Variants in ANKRD2 observed in about 807,000 individuals in gnomAD.
ANKRD2 encodes the protein ankyrin repeat domain 2.
A neutral mutation model predicts 37.3 loss-of-function variants in ANKRD2; 35 were observed. The observed-to-expected ratio is 0.94, with a 90% confidence interval of 0.72 to 1.24. ANKRD2 has a LOEUF of 1.24. ANKRD2 is among the 50% of genes most tolerant of loss of function. ANKRD2 has a pLI of 0.00. For missense variants in ANKRD2, 410 were observed against 445.6 expected (o/e 0.92, Z 0.72); for synonymous variants, 159 against 186.5 (o/e 0.85, Z 1.20).
At chr10:97,578,441 G>C in intron 3 of ANKRD2, 43 bp downstream of exon 3, 1 of 1,609,252 alleles carries the variant, frequency 6.2e-7, no homozygotes. Context: ...CGGAGGGGGA[G>C]CCCGGGAGGC....
At chr10:97,577,957 C>A in intron 2 of ANKRD2, 56 bp downstream of exon 2, 1 of 1,462,372 alleles carries the variant, frequency 6.8e-7, no homozygotes, top group Non-Finnish European at 9.2e-7. Flanking sequence ...GTAGCCATGG[C>A]CTGTCTGCAC....
chr10:97,574,870 T>C (rs138707885), intron 1 of ANKRD2, among the ~76,000 whole-genome samples: 10 of 149,360 alleles, frequency 6.7e-5, no homozygotes, highest in Non-Finnish European at 1.0e-4. Context: ...AGGTGAGTCA[T>C]GCTGCTATGC....
intron 1 of ANKRD2, among the ~76,000 whole-genome samples, chr10:97,574,836 G>A (rs1217809216): frequency 2.0e-5 from 3 of 152,090 alleles, no homozygotes; most frequent in East Asian, 3.9e-4. Flanking sequence ...AAGGGCATGT[G>A]CCTATGGTTG....
In ANKRD2 at chr10:97,583,818, C is replaced by G. The variant is rs1365883488; in HGVS notation, c.*93C>G. 1 of 1,361,404 alleles carries G rather than the reference C, an allele frequency of 7.3e-7. No homozygotes were observed. The highest frequency in any genetic ancestry group is 1.5e-5 in the African/African-American group (1 of 65,184). 84.3% of individuals were successfully genotyped at this position (1,361,404 alleles called of 1,614,324 possible). The stretch of plus-strand genomic sequence containing the variant: ...CTCCCGGAGCTAACTGAGGGCCCAG[C>G]CTTTTTTCTGCATGATCCAGGAGCA... On this transcript the variant is annotated 3_prime_UTR_variant, in exon 9 of 9. Transcript: ENST00000370655.
chr10:97,582,790 T>C (rs2040918657), intron 8 of ANKRD2, 88 bp downstream of exon 8: 3 of 1,172,348 alleles, frequency 2.6e-6, no homozygotes, highest in Non-Finnish European at 1.3e-6. Context: ...AGCCCCCGCC[T>C]AGGGACATGT....
At chr10:97,581,284 C>T in intron 5 of ANKRD2, 32 bp from the exon 6 acceptor site, 3 of 1,599,886 alleles carry the variant, frequency 1.9e-6, no homozygotes, top group Non-Finnish European at 2.6e-6. Context: ...TTCCCTGCAG[C>T]TCTGTAGTTA....
chr10:97,573,337 G>A (rs2040783890), intron 1 of ANKRD2, among the ~76,000 whole-genome samples: 1 of 152,186 alleles, frequency 6.6e-6, no homozygotes. Context: ...GGCCACCCTT[G>A]GGGAGTCCTT....
intron 1 of ANKRD2, among the ~76,000 whole-genome samples, chr10:97,576,843 C>A (rs12263319): frequency 6.6e-6 from 1 of 151,220 alleles, no homozygotes; most frequent in Non-Finnish European, 1.5e-5. Flanking sequence ...ACTACAGGTG[C>A]GTGCCAACAC....
chr10:97,572,798 A>G lies in ANKRD2; in HGVS notation c.10A>G (p.Thr4Ala). ...GCCTGCAGAGGCGGTTATGGACGGC[A>G]CCATGGAGGACTCCGAGGCGGTGCA... MDGTMEDSEAVQRA... is the reference protein window; with the variant it reads MDGAMEDSEAVQRA... Residue 4 changes from threonine to alanine, a missense_variant, in exon 1 of 9, where the codon ACC (threonine) becomes GCC (alanine). Transcript: ENST00000370655. The G allele has an allele frequency of 6.3e-7, 1 of 1,582,962 alleles. No individual in the cohort carries two copies. The highest frequency in any genetic ancestry group is 8.6e-7 in the Non-Finnish European group (1 of 1,164,956).
chr10:97,572,691 AT>A, upstream of ANKRD2: 1 of 1,595,236 alleles, frequency 6.3e-7, no homozygotes, highest in Middle Eastern at 2.2e-4. Context: ...CAGGTGGAGA[AT>A]TGGGCCAGTG....
intron 5 of ANKRD2, 67 bp from the exon 6 acceptor site, chr10:97,581,249 G>T: frequency 1.3e-6 from 2 of 1,503,562 alleles, no homozygotes; most frequent in Non-Finnish European, 9.2e-7. Context: ...TTCCTGGCTG[G>T]GGTACATTAC....
intron 1 of ANKRD2, among the ~76,000 whole-genome samples, chr10:97,573,679 G>T (rs748905715): frequency 6.6e-6 from 1 of 151,912 alleles, no homozygotes; most frequent in African/African-American, 2.4e-5. Context: ...CACCCACCTT[G>T]GCCTCCCAAA....
rs2040934306 is a variant in ANKRD2, at chr10:97,583,673, A to AG, written c.954dup (p.Pro319AlafsTer2). On this transcript the variant is annotated frameshift_variant, in exon 9 of 9. Transcript: ENST00000370655. LOFTEE classifies it high-confidence loss of function. Reference sequence around the variant, plus strand: ...CCGGGGGCTGAGCATAACGGGCTGGAGGGGCCTAATGATAGTGGGCGAGAG... The same window carrying AG: ...CCGGGGGCTGAGCATAACGGGCTGGAGGGGGCCTAATGATAGTGGGCGAGAG... 6.2e-7 allele frequency: 1 copy of AG among 1,604,218 alleles called. No individual in the cohort carries two copies. The highest frequency in any genetic ancestry group is 8.5e-7 in the Non-Finnish European group (1 of 1,175,852).
intron 1 of ANKRD2, among the ~76,000 whole-genome samples, chr10:97,576,111 C>A (rs1008629654): frequency 1.2e-4 from 19 of 152,168 alleles, no homozygotes; most frequent in African/African-American, 4.6e-4. Context: ...CTAACAGAAC[C>A]TTCAGAATGA....
rs560846724 is a variant in ANKRD2, at chr10:97,583,239, C to T, written c.853-337C>T. ...GAGAGTCCCTCGGGCTCAAGAAAGG[C>T]TAAAGGGATAATGAGAAAAGCAGGA... is the stretch of plus-strand genomic sequence containing the variant. On this transcript the variant is annotated intron_variant, in intron 8 of 8. Transcript: ENST00000370655. Among the ~76,000 whole-genome samples the T allele has an allele frequency of 2.6e-5, 4 of 152,168 alleles. No homozygotes were observed. The South Asian group carries it at 8.3e-4, about 32-fold the overall frequency.
chr10:97,579,306 AC>A (rs1232736776), intron 4 of ANKRD2, among the ~76,000 whole-genome samples: 5 of 146,248 alleles, frequency 3.4e-5, no homozygotes, highest in Non-Finnish European at 6.0e-5. Context: ...ATAGTACTGT[AC>A]TTTTTTTTTT....
chr10:97,582,482 G>A, intron 7 of ANKRD2, 69 bp downstream of exon 7: 3 of 1,586,778 alleles, frequency 1.9e-6, no homozygotes, highest in Non-Finnish European at 2.6e-6. Context: ...CCTACAGGTG[G>A]TGTCCTTCCT....
chr10:97,582,484 G>A, intron 7 of ANKRD2, 71 bp downstream of exon 7: 1 of 1,578,656 alleles, frequency 6.3e-7, no homozygotes, highest in Non-Finnish European at 8.7e-7. Flanking sequence ...TACAGGTGGT[G>A]TCCTTCCTCC....
intron 6 of ANKRD2, 36 bp from the exon 7 acceptor site, chr10:97,582,279 C>G (rs1366899661): frequency 2.6e-6 from 4 of 1,530,482 alleles, no homozygotes; most frequent in African/African-American, 1.4e-5. Flanking sequence ...CAGTTCAGGC[C>G]CCGTCAACTA....
Sources: gnomAD v4.1 joint callset for allele counts (sites outside exome capture counted in the v4.1 genomes callset) on GRCh38, gnomAD v4.1.1 for gene constraint, MANE v1.5 for transcripts, NCBI Gene and HGNC (gene_info 2026-07-23, HGNC 2026-07-21) for gene names.